FSTL4: variants seen among roughly 807,000 people sequenced by gnomAD.
The protein encoded by FSTL4 is follistatin-related protein 4.
FSTL4 carries 28 observed loss-of-function variants against 78.2 expected under a neutral mutation model. The observed-to-expected ratio is 0.36, with a 90% CI of 0.27 to 0.49. The LOEUF (loss-of-function observed/expected upper bound fraction) is 0.49. Among genes scored for constraint, FSTL4 ranks in the 20% least tolerant of loss-of-function variants. The pLI is 0.98. For synonymous variants in FSTL4, 422 were observed against 440.5 expected, an observed-to-expected ratio of 0.96 and a Z score of 0.53; for missense variants, 922 against 1,084.9, an observed-to-expected ratio of 0.85 and a Z score of 2.11.
At chr5:133,496,450 C>T (rs531493681) in intron 3 of FSTL4, among the ~76,000 whole-genome samples, 290 of 152,290 alleles carry the variant, frequency 1.9e-3, no homozygotes, top group Middle Eastern at 0.01. Context: ...TTGACTTAGC[C>T]TCTCCACTAA....
intron 6 of FSTL4, among the ~76,000 whole-genome samples, chr5:133,293,914 C>T (rs1322646558): frequency 7.9e-5 from 12 of 152,098 alleles, no homozygotes; most frequent in Admixed American, 7.9e-4. Flanking sequence ...GTTCTAATCC[C>T]TCCCTCCTGC....
At chr5:133,234,010 G>A (rs1393353704) in intron 7 of FSTL4, among the ~76,000 whole-genome samples, 1 of 152,112 alleles carries the variant, frequency 6.6e-6, no homozygotes. Flanking sequence ...CACAGTTTCT[G>A]CCAAATACCC....
chr5:133,730,869 A>G, the FSTL4 span, among the ~76,000 whole-genome samples: 1 of 152,248 alleles, frequency 6.6e-6, no homozygotes, highest in Admixed American at 6.5e-5. Flanking sequence ...AACAAAAAAG[A>G]GTGAGAAATA....
At chr5:133,452,259 T>C (rs1444282629) in intron 3 of FSTL4, among the ~76,000 whole-genome samples, 2 of 152,262 alleles carry the variant, frequency 1.3e-5, no homozygotes, top group African/African-American at 4.8e-5. Context: ...GGGAGAAGCA[T>C]GTCTAAGAAG....
At chr5:133,668,121 T>C in the FSTL4 span, among the ~76,000 whole-genome samples, 1 of 152,226 alleles carries the variant, frequency 6.6e-6, no homozygotes, top group African/African-American at 2.4e-5. Flanking sequence ...AACATCTGAA[T>C]GTTCTCGTGT....
the FSTL4 span, among the ~76,000 whole-genome samples, chr5:133,803,535 T>G: frequency 2.6e-5 from 4 of 151,888 alleles, no homozygotes; most frequent in East Asian, 7.7e-4. Context: ...CCTCCTGGAG[T>G]CCCAGACCGT....
At chr5:133,224,882 C>A (rs1018684675) in intron 10 of FSTL4, among the ~76,000 whole-genome samples, 2 of 151,908 alleles carry the variant, frequency 1.3e-5, no homozygotes, top group Non-Finnish European at 2.9e-5. Flanking sequence ...TGGGACTCGA[C>A]TATTTGGGTT....
chr5:133,746,947 G>A, the FSTL4 span, among the ~76,000 whole-genome samples: 5 of 152,174 alleles, frequency 3.3e-5, no homozygotes, highest in Admixed American at 2.6e-4. Flanking sequence ...GCATACTTAA[G>A]TATGCTTGCT....
At chr5:133,295,118 G>A (rs778531657) in intron 6 of FSTL4, among the ~76,000 whole-genome samples, 61 of 151,990 alleles carry the variant, frequency 4.0e-4, no homozygotes, top group Admixed American at 7.9e-4. Context: ...AATCGTTCCC[G>A]ACCTTCTTCT....
Position 133,333,486 on chromosome 5 carries a change from C to T in FSTL4, c.410-16834G>A, listed in dbSNP as rs542804770. 6.6e-5 allele frequency among the ~76,000 whole-genome samples: 10 copies of T among 152,322 alleles called. No individual in the cohort carries two copies. In the East Asian group the frequency reaches 1.9e-3, roughly 29 times the overall value. The stretch of plus-strand genomic sequence containing the variant: ...ACAAGGACCACGTTGAAACCCTGCC[C>T]AGGCATAGGGGCCCCTTACTGGGCA... On this transcript the variant is annotated intron_variant, in intron 4 of 15. Coordinates refer to ENST00000265342, the MANE Select transcript of FSTL4 (RefSeq NM_015082.2).
the FSTL4 span, among the ~76,000 whole-genome samples, chr5:133,669,713 C>G: frequency 6.6e-6 from 1 of 152,188 alleles, no homozygotes; most frequent in Non-Finnish European, 1.5e-5. Context: ...AGGAGATAAG[C>G]CCTGGTGGAG....
chr5:133,287,238 A>C (rs1466450152), intron 6 of FSTL4, among the ~76,000 whole-genome samples: 4 of 152,064 alleles, frequency 2.6e-5, no homozygotes, highest in Non-Finnish European at 5.9e-5. Context: ...AATACAAAAA[A>C]TTAGCCAGGT....
intron 7 of FSTL4, chr5:133,247,643 C>G (rs1197711440): frequency 1.3e-5 from 2 of 152,338 alleles, no homozygotes; most frequent in African/African-American, 4.8e-5. Flanking sequence ...AGTTCTCAGA[C>G]AAGCCCTGGC....
At chr5:133,311,702 G>A (rs964671252) in intron 6 of FSTL4, among the ~76,000 whole-genome samples, 3 of 152,214 alleles carry the variant, frequency 2.0e-5, no homozygotes, top group African/African-American at 7.2e-5. Context: ...AGGCTCTGTG[G>A]CTCAGGGTAC....
In FSTL4 at chr5:133,320,363, T is replaced by C. The variant is rs148502492; in HGVS notation, c.410-3711A>G. 3.0e-3 allele frequency among the ~76,000 whole-genome samples: 457 copies of C among 152,174 alleles called. 3 individuals carry two copies. The highest frequency in any genetic ancestry group is 0.01 in the African/African-American group (435 of 41,442). On this transcript the variant is annotated intron_variant, in intron 4 of 15. Coordinates refer to ENST00000265342, the MANE Select transcript of FSTL4 (RefSeq NM_015082.2). ...ACTGTGGGGTCAGATAGGAGTGACT[T>C]AGCTGTGTGAAGCACTGGGCATTTT...
intron 2 of FSTL4, among the ~76,000 whole-genome samples, chr5:133,574,674 T>A (rs1051486160): frequency 6.6e-6 from 1 of 152,200 alleles, no homozygotes; most frequent in Non-Finnish European, 1.5e-5. Context: ...TGATATGTAA[T>A]GCAAATGTCC....
At chr5:133,359,930 C>T (rs371718650) in intron 4 of FSTL4, among the ~76,000 whole-genome samples, 68 of 152,324 alleles carry the variant, frequency 4.5e-4, no homozygotes, top group African/African-American at 1.3e-3. Context: ...CCCCGTGCTG[C>T]TGAGACTGCC....
At chr5:133,753,382 C>T in the FSTL4 span, among the ~76,000 whole-genome samples, 1 of 152,156 alleles carries the variant, frequency 6.6e-6, no homozygotes, top group Non-Finnish European at 1.5e-5. Context: ...ACTTAACAGC[C>T]CTCATCACTG....
the FSTL4 span, among the ~76,000 whole-genome samples, chr5:133,687,214 G>A: frequency 1.4e-5 from 1 of 70,316 alleles, no homozygotes; most frequent in East Asian, 3.4e-4. Flanking sequence ...GGCTAAATAG[G>A]GGGGGCATGG....
Sources: allele counts gnomAD v4.1 joint callset (sites outside exome capture counted in the v4.1 genomes callset), GRCh38; gene constraint gnomAD v4.1.1; transcripts MANE v1.5; gene names NCBI Gene and HGNC (gene_info 2026-07-23, HGNC 2026-07-21).